The following TNR variants were observed in gnomAD, a reference collection of about 807,000 sequenced individuals.
TNR encodes the protein tenascin-R.
In TNR, 45 loss-of-function variants were observed where a neutral mutation model predicts 150.4. That is an observed-to-expected ratio of 0.30 (90% confidence interval 0.24 to 0.38). The LOEUF (loss-of-function observed/expected upper bound fraction) is 0.38, where lower values mean the gene tolerates loss of function less well. TNR is among the 10% of genes least tolerant of loss of function. The probability of loss-of-function intolerance (pLI) is 1.00; values close to 1 mark genes in which losing one functional copy is unlikely to be tolerated. For synonymous variants in TNR, 687 were observed against 678.4 expected, an observed-to-expected ratio of 1.01 and a Z score of -0.20; for missense variants, 1,544 against 1,759.1, an observed-to-expected ratio of 0.88 and a Z score of 2.19.
At chr1:175,475,851 C>G (rs1367445230) in intron 2 of TNR, among the ~76,000 whole-genome samples, 1 of 152,150 alleles carries the variant, frequency 6.6e-6, no homozygotes, top group African/African-American at 2.4e-5. Flanking sequence ...AAATAATGAG[C>G]AATTTGAGCA....
chr1:175,547,605 G>GAAAC (rs1286449335), intron 1 of TNR, among the ~76,000 whole-genome samples: 6 of 21,658 alleles, frequency 2.8e-4, no homozygotes, highest in Non-Finnish European at 5.1e-4. Flanking sequence ...AAGAAAGAAA[G>GAAAC]AAAGAAACAA....
intron 1 of TNR, among the ~76,000 whole-genome samples, chr1:175,622,036 AT>A (rs1177790699): frequency 6.6e-6 from 1 of 152,250 alleles, no homozygotes; most frequent in African/African-American, 2.4e-5. Flanking sequence ...TGTTAAGAGC[AT>A]TGAGTGAGAT....
At chr1:175,522,157 C>T (rs769663280) in intron 2 of TNR, among the ~76,000 whole-genome samples, 12 of 152,124 alleles carry the variant, frequency 7.9e-5, no homozygotes, top group Admixed American at 2.0e-4. Context: ...CACAGGCTGG[C>T]GGCACTCGAA....
At chr1:175,452,542 C>T (rs937526077) in intron 2 of TNR, among the ~76,000 whole-genome samples, 1 of 152,302 alleles carries the variant, frequency 6.6e-6, no homozygotes, top group African/African-American at 2.4e-5. Context: ...TGCAAAGGCC[C>T]TCCCAGGCCA....
intron 1 of TNR, among the ~76,000 whole-genome samples, chr1:175,682,471 C>T (rs769123820): frequency 6.6e-6 from 1 of 152,188 alleles, no homozygotes; most frequent in Non-Finnish European, 1.5e-5. Flanking sequence ...CACAGGTTCT[C>T]TTAAGGAGTG....
intron 2 of TNR, among the ~76,000 whole-genome samples, chr1:175,449,345 C>T (rs559007530): frequency 1.3e-5 from 2 of 152,194 alleles, no homozygotes; most frequent in Non-Finnish European, 2.9e-5. Flanking sequence ...CACACTTGCC[C>T]ACAGAAATTC....
Position 175,690,441 on chromosome 1 carries a change from G to A in TNR, c.-165+52785C>T, listed in dbSNP as rs1254945807. ...GTGACCAGGAAAGTCCTCTTGAGAA[G>A]GTGACAGTCACACTGAGTCATAAAG... On this transcript the variant is annotated intron_variant, in intron 1 of 22. Coordinates refer to ENST00000367674, the MANE Select transcript of TNR (RefSeq NM_003285.3). 5.9e-5 allele frequency among the ~76,000 whole-genome samples: 9 copies of A among 152,212 alleles called. No homozygotes were observed. The South Asian group carries it at 6.2e-4, about 11-fold the overall frequency.
At chr1:175,572,211 T>C (rs1464728831) in intron 1 of TNR, among the ~76,000 whole-genome samples, 1 of 152,200 alleles carries the variant, frequency 6.6e-6, no homozygotes, top group African/African-American at 2.4e-5. Context: ...ACTGCCTCAG[T>C]TGGCTTAAAG....
intron 1 of TNR, among the ~76,000 whole-genome samples, chr1:175,626,148 C>A (rs1322545417): frequency 6.6e-6 from 1 of 152,190 alleles, no homozygotes; most frequent in East Asian, 1.9e-4. Context: ...CTGAGACATT[C>A]TCCAGCCATG....
intron 9 of TNR, among the ~76,000 whole-genome samples, chr1:175,376,321 C>A (rs1215127120): frequency 6.6e-6 from 1 of 152,216 alleles, no homozygotes; most frequent in Non-Finnish European, 1.5e-5. Flanking sequence ...AGAAGCACTA[C>A]CTTAAACTCG....
chr1:175,377,742 C>T (rs76967518), intron 9 of TNR, among the ~76,000 whole-genome samples: 6 of 152,300 alleles, frequency 3.9e-5, no homozygotes, highest in Non-Finnish European at 7.3e-5. Context: ...TTACCGTATG[C>T]ACTCTTTGCT....
chr1:175,434,115 G>A (rs955254165), intron 2 of TNR, among the ~76,000 whole-genome samples: 3 of 152,248 alleles, frequency 2.0e-5, no homozygotes, highest in African/African-American at 2.4e-5. Flanking sequence ...CTCTGGATGC[G>A]GCCAGATTGC....
At chr1:175,450,181 T>C (rs961015176) in intron 2 of TNR, among the ~76,000 whole-genome samples, 1 of 152,188 alleles carries the variant, frequency 6.6e-6, no homozygotes, top group African/African-American at 2.4e-5. Context: ...ACCCTCTTCC[T>C]TACCTGGCAC....
intron 15 of TNR, among the ~76,000 whole-genome samples, chr1:175,358,071 G>A (rs539864682): frequency 1.3e-5 from 2 of 152,260 alleles, no homozygotes; most frequent in African/African-American, 4.8e-5. Context: ...GTTTCCTGGT[G>A]AAAGAAATAG....
At chr1:175,627,245 TG>T (rs1323880082) in intron 1 of TNR, among the ~76,000 whole-genome samples, 1 of 152,188 alleles carries the variant, frequency 6.6e-6, no homozygotes, top group African/African-American at 2.4e-5. Context: ...AGCCCTGGAT[TG>T]AGAGTAAATG....
intron 1 of TNR, among the ~76,000 whole-genome samples, chr1:175,721,189 C>T (rs1056647239): frequency 2.0e-5 from 3 of 152,182 alleles, no homozygotes; most frequent in African/African-American, 7.2e-5. Context: ...ACTAAAGCAG[C>T]CCCACCTCTA....
chr1:175,641,194 A>C (rs1664646417), intron 1 of TNR, among the ~76,000 whole-genome samples: 1 of 152,248 alleles, frequency 6.6e-6, no homozygotes, highest in African/African-American at 2.4e-5. Flanking sequence ...AGGTTAATAC[A>C]TAAAATTTAT....
chr1:175,652,964 A>T (rs549829684), intron 1 of TNR, among the ~76,000 whole-genome samples: 1 of 152,326 alleles, frequency 6.6e-6, no homozygotes, highest in East Asian at 1.9e-4. Flanking sequence ...TTTGGGAAAA[A>T]GTGCCACTTA....
chr1:175,385,672 C>T (rs1557899896), intron 8 of TNR, among the ~76,000 whole-genome samples: 1 of 152,140 alleles, frequency 6.6e-6, no homozygotes, highest in Non-Finnish European at 1.5e-5. Flanking sequence ...GACACCTTTC[C>T]TGAATTCTCA....
Sources: allele counts gnomAD v4.1 joint callset (sites outside exome capture counted in the v4.1 genomes callset), GRCh38; gene constraint gnomAD v4.1.1; transcripts MANE v1.5; gene names NCBI Gene and HGNC (gene_info 2026-07-23, HGNC 2026-07-21).